Variants in CACNA1E observed in about 807,000 individuals in gnomAD.
CACNA1E encodes the protein voltage-dependent R-type calcium channel subunit alpha-1E.
A neutral mutation model predicts 259.2 loss-of-function variants in CACNA1E; 40 were observed. The ratio of observed to expected loss-of-function variants is 0.15; its 90% CI spans 0.12 to 0.20. The LOEUF (loss-of-function observed/expected upper bound fraction) is 0.20, where lower values mean the gene tolerates loss of function less well. Ranked by LOEUF, CACNA1E falls within the 10% of genes least tolerant of loss-of-function variation. CACNA1E has a pLI of 1.00. For missense variants in CACNA1E, 1,874 were observed against 3,040.1 expected (o/e 0.62, Z 9.02); for synonymous variants, 1,104 against 1,138.5 (o/e 0.97, Z 0.61).
intron 6 of CACNA1E, among the ~76,000 whole-genome samples, chr1:181,581,468 A>G (rs989723835): frequency 1.3e-4 from 20 of 152,158 alleles, no homozygotes; most frequent in Admixed American, 9.2e-4. Flanking sequence ...GTAGCTTTGT[A>G]TAGCTAGTGA....
intron 3 of CACNA1E, among the ~76,000 whole-genome samples, chr1:181,559,044 C>T (rs1359881609): frequency 6.6e-6 from 1 of 152,160 alleles, no homozygotes; most frequent in Admixed American, 6.5e-5. Flanking sequence ...ACTAGCGAAG[C>T]CCTTGAAACA....
At chr1:181,352,680 G>T (rs1653125384) in intron 1 of CACNA1E, among the ~76,000 whole-genome samples, 1 of 152,164 alleles carries the variant, frequency 6.6e-6, no homozygotes, top group South Asian at 2.1e-4. Flanking sequence ...TCAGAGAAGT[G>T]GCAAGGCAAT....
At chr1:181,706,507 C>T (rs1163231114) in intron 7 of CACNA1E, among the ~76,000 whole-genome samples, 4 of 152,200 alleles carry the variant, frequency 2.6e-5, no homozygotes, top group Non-Finnish European at 1.5e-5. Context: ...GACACAAAAT[C>T]AAGCAGTATA....
chr1:181,486,357 C>A (rs939092258), intron 1 of CACNA1E, among the ~76,000 whole-genome samples: 2 of 152,286 alleles, frequency 1.3e-5, no homozygotes, highest in African/African-American at 4.8e-5. Flanking sequence ...TTTAGTGGAG[C>A]CCTGTTGGAA....
At chr1:181,318,216 C>CG (rs912938413) in intron 1 of CACNA1E, 1 of 152,088 alleles carries the variant, frequency 6.6e-6, no homozygotes, top group African/African-American at 2.4e-5. Flanking sequence ...GGCGGCGCCA[C>CG]GGGTCTGGCC....
chr1:181,783,106 T>C (rs1254169363), intron 39 of CACNA1E, among the ~76,000 whole-genome samples: 1 of 152,168 alleles, frequency 6.6e-6, no homozygotes, highest in Non-Finnish European at 1.5e-5. Context: ...CCTCATCCTT[T>C]AGACAAGTTG....
chr1:181,775,998 C>A, intron 37 of CACNA1E, 103 bp from the exon 38 acceptor site: 1 of 1,065,416 alleles, frequency 9.4e-7, no homozygotes, highest in Non-Finnish European at 1.4e-6. Context: ...TGTTCTGGCT[C>A]GTTTGCTAAA....
chr1:181,555,274 C>T (rs1648600579), intron 3 of CACNA1E, among the ~76,000 whole-genome samples: 1 of 152,188 alleles, frequency 6.6e-6, no homozygotes, highest in African/African-American at 2.4e-5. Flanking sequence ...AGCTCTTGCC[C>T]ACTGAGTTGT....
At chr1:181,752,382 G>GCTAA in intron 27 of CACNA1E, 143 bp downstream of exon 27, 1 of 648,700 alleles carries the variant, frequency 1.5e-6, no homozygotes. Flanking sequence ...ATCTGCCTGA[G>GCTAA]CTAAAGGTCT....
At chr1:181,620,099 T>C (rs1655590615) in intron 6 of CACNA1E, among the ~76,000 whole-genome samples, 1 of 152,284 alleles carries the variant, frequency 6.6e-6, no homozygotes, top group African/African-American at 2.4e-5. Flanking sequence ...GTCATGAGTT[T>C]TATTAGTATA....
At chr1:181,351,609 G>A (rs757831151) in intron 1 of CACNA1E, among the ~76,000 whole-genome samples, 13 of 152,174 alleles carry the variant, frequency 8.5e-5, no homozygotes, top group Non-Finnish European at 1.8e-4. Context: ...GCTGGGCCAA[G>A]CTCCCTCTGG....
In CACNA1E at chr1:181,572,281, A is replaced by G. The variant is rs945965239; in HGVS notation, c.513-5485A>G. Among the ~76,000 whole-genome samples the G allele has an allele frequency of 4.6e-5, 7 of 152,364 alleles. No individual in the cohort carries two copies. The South Asian group carries it at 1.4e-3, about 32-fold the overall frequency. On this transcript the variant is annotated intron_variant, in intron 3 of 47. Transcript: ENST00000367573. ...AGAGATGATTTGGTTCTCATTGCCC[A>G]GAGCATTGCCTCTGTCTTCTGTTCT...
chr1:181,646,250 G>A (rs1443522290), intron 6 of CACNA1E, among the ~76,000 whole-genome samples: 1 of 152,184 alleles, frequency 6.6e-6, no homozygotes, highest in Non-Finnish European at 1.5e-5. Flanking sequence ...CAGAACATTT[G>A]GCAATTTTTG....
intron 1 of CACNA1E, among the ~76,000 whole-genome samples, chr1:181,332,615 CA>C (rs1275445853): frequency 6.6e-6 from 1 of 152,136 alleles, no homozygotes; most frequent in Non-Finnish European, 1.5e-5. Context: ...TTCATTGATC[CA>C]GAAAAAGTCT....
At chr1:181,424,122 C>G (rs773203869) in intron 2 of CACNA1E, among the ~76,000 whole-genome samples, 10 of 152,188 alleles carry the variant, frequency 6.6e-5, no homozygotes, top group Non-Finnish European at 1.0e-4. Context: ...ACACAGAAAT[C>G]ATGAGCCTTC....
chr1:181,642,677 G>A (rs563944427), intron 6 of CACNA1E, among the ~76,000 whole-genome samples: 7 of 152,282 alleles, frequency 4.6e-5, no homozygotes, highest in South Asian at 2.1e-4. Context: ...CACTGGGCAC[G>A]TTCTCTTTAA....
At chr1:181,720,988 C>G in intron 15 of CACNA1E, 133 bp downstream of exon 15, 1 of 650,336 alleles carries the variant, frequency 1.5e-6, no homozygotes, top group Non-Finnish European at 2.7e-6. Context: ...GGCACTCTTT[C>G]TAGTTGAGCG....
At chr1:181,438,649 C>T (rs1257856786) in intron 2 of CACNA1E, among the ~76,000 whole-genome samples, 1 of 152,062 alleles carries the variant, frequency 6.6e-6, no homozygotes, top group African/African-American at 2.4e-5. Context: ...TATTTATACC[C>T]ATGAGAATGG....
chr1:181,363,274 G>A (rs1394395345), intron 1 of CACNA1E, among the ~76,000 whole-genome samples: 2 of 152,138 alleles, frequency 1.3e-5, no homozygotes, highest in Non-Finnish European at 1.5e-5. Context: ...AAACAAACCC[G>A]CTTGTGAATA....
Sources: gnomAD v4.1 joint callset for allele counts (sites outside exome capture counted in the v4.1 genomes callset) on GRCh38, gnomAD v4.1.1 for gene constraint, MANE v1.5 for transcripts, NCBI Gene and HGNC (gene_info 2026-07-23, HGNC 2026-07-21) for gene names.